DOCK9: variants seen among roughly 807,000 people sequenced by gnomAD.
DOCK9 encodes the protein dedicator of cytokinesis 9.
Under a neutral mutation model 263.3 loss-of-function variants are expected in DOCK9, and 89 were observed. The ratio of observed to expected loss-of-function variants is 0.34; its 90% CI spans 0.28 to 0.40. The LOEUF (loss-of-function observed/expected upper bound fraction) is 0.40. DOCK9 is among the 10% of genes least tolerant of loss of function. The pLI is 1.00. For missense variants in DOCK9, 2,140 were observed against 2,603.4 expected (o/e 0.82, Z 3.87); for synonymous variants, 976 against 973.1 (o/e 1.00, Z -0.06).
At chr13:98,889,940 C>T (rs2046371429) in intron 15 of DOCK9, among the ~76,000 whole-genome samples, 1 of 152,224 alleles carries the variant, frequency 6.6e-6, no homozygotes, top group Non-Finnish European at 1.5e-5. Flanking sequence ...CCATACCATC[C>T]TAGTGACTCA....
intron 38 of DOCK9, among the ~76,000 whole-genome samples, chr13:98,840,359 G>A (rs2093166339): frequency 6.6e-6 from 1 of 152,250 alleles, no homozygotes. Flanking sequence ...AGGCTCTTCA[G>A]GGACAGAGCT....
At chr13:99,001,988 C>T (rs1430577252) in intron 1 of DOCK9, among the ~76,000 whole-genome samples, 1 of 152,200 alleles carries the variant, frequency 6.6e-6, no homozygotes, top group Admixed American at 6.5e-5. Flanking sequence ...ACCCCACTCC[C>T]CACCTACGCT....
chr13:98,796,016 C>T (rs529490041), intron 52 of DOCK9, among the ~76,000 whole-genome samples: 1 of 152,250 alleles, frequency 6.6e-6, no homozygotes, highest in South Asian at 2.1e-4. Flanking sequence ...ATCTTGGCCT[C>T]CCAAAGTGCT....
At chr13:98,833,930 C>T (rs796797835) in intron 39 of DOCK9, among the ~76,000 whole-genome samples, 95 of 152,342 alleles carry the variant, frequency 6.2e-4, no homozygotes, top group African/African-American at 2.2e-3. Flanking sequence ...AACTGTTCCA[C>T]TCAGAAATAT....
chr13:98,848,748 A>C (rs537005192), intron 36 of DOCK9, 109 bp from the exon 37 acceptor site: 4 of 1,130,556 alleles, frequency 3.5e-6, no homozygotes, highest in Non-Finnish European at 5.1e-6. Context: ...GTCTAGTACC[A>C]GCATAAGTCA....
chr13:98,836,578 A>G (rs1423336608), intron 39 of DOCK9, among the ~76,000 whole-genome samples: 1 of 152,112 alleles, frequency 6.6e-6, no homozygotes, highest in Non-Finnish European at 1.5e-5. Context: ...GCTCCAGGTA[A>G]TGAGGCGCTT....
chr13:98,876,457 C>T (rs1282064411), intron 27 of DOCK9, among the ~76,000 whole-genome samples: 2 of 152,180 alleles, frequency 1.3e-5, no homozygotes, highest in African/African-American at 4.8e-5. Context: ...CGTCACAGCA[C>T]TCCAGCCTGG....
chr13:98,902,150 C>T (rs2048377284), intron 12 of DOCK9, 138 bp downstream of exon 12: 4 of 1,051,080 alleles, frequency 3.8e-6, no homozygotes, highest in Non-Finnish European at 2.7e-6. Context: ...CTTTTACTGT[C>T]TAATAATAAA....
Position 98,805,003 on chromosome 13 carries a change from C to A in DOCK9, c.5721G>T (p.Leu1907=). 1.2e-6 allele frequency: 2 copies of A among 1,600,342 alleles called. No individual in the cohort carries two copies. Among genetic ancestry groups the A allele is most frequent in the Non-Finnish European group, 8.5e-7 (1 of 1,173,552 alleles). The stretch of plus-strand genomic sequence containing the variant: ...TGCGGCTTCTGGGGCCCATACCTGT[C>A]AGGATGGTGCGCCGTTTGCACTGCT... ...VEEQCKRRTI[L]TAIHCFPYVK... is the part of the protein sequence containing the mutation. The change falls in exon 49 of 53, where the codon CTG becomes CTT. Residue 1907 remains leucine (L), a synonymous_variant. Coordinates refer to ENST00000682017, the MANE Select transcript of DOCK9 (RefSeq NM_001366683.2).
intron 1 of DOCK9, among the ~76,000 whole-genome samples, chr13:99,084,972 A>T (rs1459797804): frequency 1.3e-5 from 2 of 152,222 alleles, no homozygotes; most frequent in Admixed American, 6.5e-5. Context: ...TAAAATAGAA[A>T]AATTAAATCC....
intron 47 of DOCK9, chr13:98,808,785 T>A: frequency 1.3e-6 from 1 of 757,648 alleles, no homozygotes; most frequent in Non-Finnish European, 2.1e-6. Context: ...TTAATAATGT[T>A]AAGGGACTCG....
chr13:98,814,956 A>G (rs2091696829), intron 45 of DOCK9, among the ~76,000 whole-genome samples: 1 of 59,568 alleles, frequency 1.7e-5, no homozygotes, highest in Non-Finnish European at 5.0e-5. Context: ...AAAATAAAAT[A>G]AAATAAAATA....
intron 2 of DOCK9, among the ~76,000 whole-genome samples, chr13:98,930,878 A>T (rs2053808175): frequency 6.6e-6 from 1 of 152,212 alleles, no homozygotes; most frequent in Non-Finnish European, 1.5e-5. Context: ...TCCTAATCTC[A>T]GGTGATCCAC....
At chr13:98,875,202 C>T (rs529569317) in intron 27 of DOCK9, among the ~76,000 whole-genome samples, 2 of 152,348 alleles carry the variant, frequency 1.3e-5, no homozygotes, top group South Asian at 2.1e-4. Context: ...TCACTCTCAA[C>T]TCCATTTGCA....
intron 2 of DOCK9, among the ~76,000 whole-genome samples, chr13:98,941,737 C>T (rs1398369474): frequency 5.3e-5 from 8 of 152,088 alleles, no homozygotes; most frequent in Non-Finnish European, 7.4e-5. Context: ...GGGATTGAGC[C>T]TGCTGAACAA....
Position 98,829,789 on chromosome 13 carries a change from T to G in DOCK9, c.4636-33A>C, listed in dbSNP as rs371440293. ...ACACACAAACATGAGCAAATCAATTTACCTTCAAATGACTGCCCAGGCTGG... is the reference window on the plus strand; with the variant it reads ...ACACACAAACATGAGCAAATCAATTGACCTTCAAATGACTGCCCAGGCTGG... On this transcript the variant is annotated intron_variant, in intron 41 of 52. Transcript: ENST00000682017. This position sits in a 1 kb window ranked among gnomAD's most constrained non-coding sequence, Gnocchi z 4.1. 5 of 1,542,706 alleles carry G rather than the reference T, an allele frequency of 3.2e-6. No individual in the cohort carries two copies. Among genetic ancestry groups the G allele is most frequent in the African/African-American group, 2.7e-5 (2 of 73,538 alleles).
chr13:99,068,305 C>T (rs1005429037), intron 1 of DOCK9, among the ~76,000 whole-genome samples: 2 of 152,170 alleles, frequency 1.3e-5, no homozygotes, highest in Admixed American at 1.3e-4. Flanking sequence ...ATACCCTGGC[C>T]GGGCGCAGTG....
At chr13:98,872,004 G>A (rs1034013311) in intron 27 of DOCK9, 2 of 152,606 alleles carry the variant, frequency 1.3e-5, no homozygotes, top group African/African-American at 4.8e-5. Flanking sequence ...TGTGGACGCT[G>A]CGGTTAACAG....
intron 28 of DOCK9, 100 bp from the exon 29 acceptor site, chr13:98,868,111 TA>T (rs1302462462): frequency 4.6e-6 from 7 of 1,533,264 alleles, no homozygotes; most frequent in Non-Finnish European, 6.3e-6. Context: ...TCCACTGACA[TA>T]AAAAACATGC....
Sources: allele counts gnomAD v4.1 joint callset (sites outside exome capture counted in the v4.1 genomes callset), GRCh38; gene constraint gnomAD v4.1.1; non-coding constraint Gnocchi (gnomAD v3.1); transcripts MANE v1.5; gene names NCBI Gene and HGNC (gene_info 2026-07-23, HGNC 2026-07-21).